Variants in JAZF1 observed in about 807,000 individuals in gnomAD.
JAZF1 encodes juxtaposed with another zinc finger protein 1.
JAZF1 carries 8 observed loss-of-function variants against 26.4 expected under a neutral mutation model. The ratio of observed to expected loss-of-function variants is 0.30; its 90% confidence interval spans 0.18 to 0.55. The LOEUF (loss-of-function observed/expected upper bound fraction) is 0.55. Ranked by LOEUF, JAZF1 falls within the 20% of genes least tolerant of loss-of-function variation. The pLI is 0.94. For missense variants in JAZF1, 199 were observed against 322.0 expected, an observed-to-expected ratio of 0.62 and a Z score of 2.92; for synonymous variants, 126 against 122.3, an observed-to-expected ratio of 1.03 and a Z score of -0.20.
At chr7:28,108,004 C>T (rs914479639) in intron 1 of JAZF1, among the ~76,000 whole-genome samples, 6 of 152,194 alleles carry the variant, frequency 3.9e-5, no homozygotes, top group Admixed American at 2.6e-4. Context: ...AAACAATGAG[C>T]TCCCAGGTCC....
At chr7:27,854,842 G>T (rs984821908) in intron 3 of JAZF1, among the ~76,000 whole-genome samples, 1 of 152,080 alleles carries the variant, frequency 6.6e-6, no homozygotes, top group African/African-American at 2.4e-5. Flanking sequence ...ATGTGTCTTG[G>T]GGTTGCTTTT....
intron 1 of JAZF1, among the ~76,000 whole-genome samples, chr7:28,089,578 G>A (rs1381937676): frequency 6.6e-6 from 1 of 152,134 alleles, no homozygotes; most frequent in Non-Finnish European, 1.5e-5. Flanking sequence ...TGCTGTGAAG[G>A]GACTTTGGAA....
intron 3 of JAZF1, among the ~76,000 whole-genome samples, chr7:27,889,953 GATC>G: frequency 6.6e-6 from 1 of 151,184 alleles, no homozygotes. Flanking sequence ...AAAAAATTGA[GATC>G]ATATTGCTTA....
At chr7:28,078,122 T>C (rs1303880274) in intron 1 of JAZF1, among the ~76,000 whole-genome samples, 1 of 152,156 alleles carries the variant, frequency 6.6e-6, no homozygotes, top group African/African-American at 2.4e-5. Flanking sequence ...ATTTTTCCCA[T>C]AGAACAGATG....
intron 1 of JAZF1, among the ~76,000 whole-genome samples, chr7:28,026,656 A>G (rs1347622681): frequency 6.6e-6 from 1 of 152,236 alleles, no homozygotes; most frequent in Non-Finnish European, 1.5e-5. Flanking sequence ...CTAAGGTACC[A>G]TGCAAAGGCT....
At chr7:27,974,097 A>G (rs998838449) in intron 2 of JAZF1, among the ~76,000 whole-genome samples, 2 of 152,122 alleles carry the variant, frequency 1.3e-5, no homozygotes, top group African/African-American at 4.8e-5. Context: ...AGTATGAATC[A>G]AAAAAAGAGG....
chr7:27,946,853 C>T (rs775607442), intron 2 of JAZF1, among the ~76,000 whole-genome samples: 25 of 152,206 alleles, frequency 1.6e-4, no homozygotes, highest in Non-Finnish European at 3.7e-4. Context: ...AGTCCTTGAA[C>T]TTGTGTCTAC....
chr7:27,835,421 C>G (rs913267138), intron 4 of JAZF1, among the ~76,000 whole-genome samples: 2 of 152,160 alleles, frequency 1.3e-5, no homozygotes, highest in Non-Finnish European at 2.9e-5. Context: ...GCGCTGTGGC[C>G]CATTCACAGC....
At chr7:27,869,302 A>C (rs1451962113) in intron 3 of JAZF1, among the ~76,000 whole-genome samples, 1 of 152,196 alleles carries the variant, frequency 6.6e-6, no homozygotes, top group Admixed American at 6.5e-5. Context: ...CTGTGAATGG[A>C]AATGCGATGA....
chr7:27,935,355 A>T (rs566173701), intron 2 of JAZF1, among the ~76,000 whole-genome samples: 6 of 152,238 alleles, frequency 3.9e-5, no homozygotes, highest in Non-Finnish European at 8.8e-5. Context: ...ATTCATACAC[A>T]AGAACATTCT....
intron 3 of JAZF1, among the ~76,000 whole-genome samples, chr7:27,888,193 T>C (rs971059348): frequency 2.0e-5 from 3 of 152,206 alleles, no homozygotes; most frequent in East Asian, 1.9e-4. Flanking sequence ...TCCAACTCTT[T>C]AGGGAGAATT....
intron 2 of JAZF1, among the ~76,000 whole-genome samples, chr7:27,980,205 C>A (rs1785554035): frequency 1.3e-5 from 2 of 152,162 alleles, no homozygotes; most frequent in African/African-American, 4.8e-5. Flanking sequence ...GAACCCAATG[C>A]CCCACTGTGT....
At chr7:27,963,035 A>G (rs1785210629) in intron 2 of JAZF1, among the ~76,000 whole-genome samples, 1 of 152,198 alleles carries the variant, frequency 6.6e-6, no homozygotes, top group Non-Finnish European at 1.5e-5. Flanking sequence ...CAAGCTGAAC[A>G]TGGCAAACCT....
intron 1 of JAZF1, among the ~76,000 whole-genome samples, chr7:28,158,209 A>G (rs1334414391): frequency 8.3e-5 from 12 of 145,198 alleles, no homozygotes; most frequent in South Asian, 4.2e-4. Flanking sequence ...AGAGAGGGAG[A>G]GAGAGAGAGA....
At chr7:27,920,283 C>T (rs760850279) in intron 2 of JAZF1, among the ~76,000 whole-genome samples, 3 of 152,124 alleles carry the variant, frequency 2.0e-5, no homozygotes, top group Non-Finnish European at 2.9e-5. Context: ...TAAATAAGTA[C>T]AGAGTGATCG....
chr7:28,034,469 TACACACACACACAC>T (rs59979673), intron 1 of JAZF1, among the ~76,000 whole-genome samples: 2 of 145,288 alleles, frequency 1.4e-5, no homozygotes, highest in Admixed American at 6.9e-5. Flanking sequence ...AGAAAACTAA[TACACACACACACAC>T]ACACACACAC....
chr7:27,974,397 AG>A (rs1212276460), intron 2 of JAZF1, among the ~76,000 whole-genome samples: 1 of 152,208 alleles, frequency 6.6e-6, no homozygotes, highest in Non-Finnish European at 1.5e-5. Flanking sequence ...AAAGGAAGAA[AG>A]AATTTCAGCA....
intron 1 of JAZF1, among the ~76,000 whole-genome samples, chr7:28,149,495 A>G (rs1230437972): frequency 6.6e-6 from 1 of 152,120 alleles, no homozygotes; most frequent in African/African-American, 2.4e-5. Flanking sequence ...TCTCTGCTCT[A>G]TGAGACCCTG....
chr7:28,097,014 G>A (rs564133716), intron 1 of JAZF1, among the ~76,000 whole-genome samples: 6 of 152,164 alleles, frequency 3.9e-5, no homozygotes, highest in African/African-American at 1.4e-4. Flanking sequence ...CACATGTGTA[G>A]AAAGAAATGG....
Sources: allele counts gnomAD v4.1 joint callset (sites outside exome capture counted in the v4.1 genomes callset), GRCh38; gene constraint gnomAD v4.1.1; transcripts MANE v1.5; gene names NCBI Gene and HGNC (gene_info 2026-07-23, HGNC 2026-07-21).